The following ITGA9 variants were observed in gnomAD, a reference collection of about 807,000 sequenced individuals.
ITGA9 encodes integrin alpha-9.
A neutral mutation model predicts 127.8 loss-of-function variants in ITGA9; 56 were observed. The observed-to-expected ratio is 0.44, with a 90% CI of 0.35 to 0.55. The LOEUF is 0.55. Among genes scored for constraint, ITGA9 ranks in the 20% least tolerant of loss-of-function variants. ITGA9 has a pLI of 0.00. For missense variants in ITGA9, 1,196 were observed against 1,347.1 expected, an observed-to-expected ratio of 0.89 and a Z score of 1.76; for synonymous variants, 508 against 514.5, an observed-to-expected ratio of 0.99 and a Z score of 0.17.
chr3:37,650,998 T>G (rs964305972), intron 16 of ITGA9, among the ~76,000 whole-genome samples: 3 of 152,196 alleles, frequency 2.0e-5, no homozygotes, highest in African/African-American at 7.2e-5. Context: ...ACAATTAAAA[T>G]AGGATTACAC....
At chr3:37,680,305 T>C (rs906249888) in intron 17 of ITGA9, among the ~76,000 whole-genome samples, 11 of 152,226 alleles carry the variant, frequency 7.2e-5, no homozygotes, top group African/African-American at 2.2e-4. Flanking sequence ...AGCAGAGATG[T>C]GCTGTTTTAG....
chr3:37,664,120 G>A (rs75204932), intron 17 of ITGA9, among the ~76,000 whole-genome samples: 11,344 of 152,168 alleles, frequency 0.075, 477 homozygotes, highest in Middle Eastern at 0.14. Flanking sequence ...ATTCTACATC[G>A]CGCTCTCCTC....
intron 26 of ITGA9, chr3:37,790,030 G>A (rs369919556): frequency 2.6e-5 from 15 of 573,278 alleles, no homozygotes; most frequent in Admixed American, 8.5e-5. Context: ...GTATTCTTGC[G>A]CTATTTTCTC....
intron 1 of ITGA9, 151 bp from the exon 2 acceptor site, chr3:37,470,856 C>T (rs1016194989): frequency 2.3e-5 from 18 of 771,832 alleles, no homozygotes; most frequent in Middle Eastern, 3.5e-4. Context: ...ACTTTAGGAC[C>T]TCTCCCCCAA....
intron 5 of ITGA9, among the ~76,000 whole-genome samples, chr3:37,498,803 C>T (rs1214685739): frequency 1.3e-5 from 2 of 152,194 alleles, no homozygotes; most frequent in African/African-American, 4.8e-5. Context: ...TTTTGGCCTC[C>T]TTAAACAGGA....
chr3:37,462,975 G>A (rs548761978), intron 1 of ITGA9, among the ~76,000 whole-genome samples: 196 of 152,274 alleles, frequency 1.3e-3, no homozygotes, highest in Admixed American at 2.5e-3. Flanking sequence ...GTGTGACTTC[G>A]GATACACTCT....
At chr3:37,581,826 G>A (rs975098057) in intron 15 of ITGA9, among the ~76,000 whole-genome samples, 3 of 152,306 alleles carry the variant, frequency 2.0e-5, no homozygotes, top group South Asian at 2.1e-4. Context: ...GCTGGGTGCT[G>A]TAGTGGCATG....
At chr3:37,558,470 C>T (rs1699452541) in intron 15 of ITGA9, among the ~76,000 whole-genome samples, 1 of 152,198 alleles carries the variant, frequency 6.6e-6, no homozygotes, top group African/African-American at 2.4e-5. Flanking sequence ...CCTTGCTTCT[C>T]TATTTTCAAT....
At chr3:37,659,381 T>G (rs1449250160) in intron 17 of ITGA9, among the ~76,000 whole-genome samples, 1 of 152,052 alleles carries the variant, frequency 6.6e-6, no homozygotes, top group Admixed American at 6.6e-5. Context: ...TCATTTCTTT[T>G]CATTCTTTTT....
At chr3:37,765,879 C>T (rs1464669433) in intron 23 of ITGA9, among the ~76,000 whole-genome samples, 1 of 152,248 alleles carries the variant, frequency 6.6e-6, no homozygotes, top group East Asian at 1.9e-4. Context: ...GTCTTGTGCT[C>T]ACAGCTGCTG....
chr3:37,784,980 A>G lies in ITGA9; in HGVS notation c.2791A>G (p.Ser931Gly), dbSNP rs768693155. The change falls in exon 26 of 28, where the codon AGT (serine) becomes GGT (glycine). Residue 931 changes from serine (S) to glycine (G), a missense_variant. Coordinates refer to ENST00000264741, the MANE Select transcript of ITGA9 (RefSeq NM_002207.3). ...LLNTEILKKD[S>G]SSVIQFMSRA... is the part of the protein sequence containing the mutation. ...AGTTGTGTTGTTTCTTCCACAGGACAGTTCGTCTGTCATCCAGTTCATGTC... is the reference window on the plus strand; with the variant it reads ...AGTTGTGTTGTTTCTTCCACAGGACGGTTCGTCTGTCATCCAGTTCATGTC... The G allele has an allele frequency of 4.3e-6, 7 of 1,613,242 alleles. No homozygotes were observed. Among genetic ancestry groups the G allele is most frequent in the Non-Finnish European group, 3.4e-6 (4 of 1,179,258 alleles).
At chr3:37,542,330 T>G in intron 14 of ITGA9, 95 bp from the exon 15 acceptor site, 2,305 of 1,273,920 alleles carry the variant, frequency 1.8e-3, no homozygotes, top group Non-Finnish European at 2.4e-3. Flanking sequence ...AGGTATCATA[T>G]GAGATGTGCA....
At chr3:37,776,376 C>T (rs906982884) in intron 23 of ITGA9, among the ~76,000 whole-genome samples, 3 of 152,074 alleles carry the variant, frequency 2.0e-5, no homozygotes, top group Admixed American at 2.0e-4. Context: ...GTTTTTGTTC[C>T]CTACCATGAA....
intron 4 of ITGA9, among the ~76,000 whole-genome samples, chr3:37,491,743 T>G (rs1047071699): frequency 1.1e-4 from 16 of 152,222 alleles, no homozygotes; most frequent in African/African-American, 3.6e-4. Flanking sequence ...AATCAAGTTG[T>G]ATTTTTAAGT....
chr3:37,804,091 A>G, intron 27 of ITGA9, 149 bp downstream of exon 27: 1 of 1,226,122 alleles, frequency 8.2e-7, no homozygotes, highest in Non-Finnish European at 1.2e-6. Context: ...CAGGGAGTGG[A>G]ATCTTGGCTC....
intron 1 of ITGA9, among the ~76,000 whole-genome samples, chr3:37,464,745 C>T (rs1475649125): frequency 6.6e-6 from 1 of 152,242 alleles, no homozygotes; most frequent in African/African-American, 2.4e-5. Context: ...GTATCCACTG[C>T]TTAAATACCA....
intron 18 of ITGA9, among the ~76,000 whole-genome samples, chr3:37,710,738 T>C (rs1450712144): frequency 6.6e-6 from 1 of 152,170 alleles, no homozygotes; most frequent in African/African-American, 2.4e-5. Context: ...TTAAGATGCA[T>C]GGTGACCCCA....
At chr3:37,751,443 C>G (rs1223711157) in intron 23 of ITGA9, among the ~76,000 whole-genome samples, 3 of 152,204 alleles carry the variant, frequency 2.0e-5, no homozygotes, top group Non-Finnish European at 4.4e-5. Context: ...TAGGAGTGTT[C>G]TCTTCCTAGA....
intron 18 of ITGA9, among the ~76,000 whole-genome samples, chr3:37,686,153 G>A (rs992713823): frequency 3.1e-5 from 4 of 129,156 alleles, no homozygotes; most frequent in African/African-American, 1.0e-4. Flanking sequence ...CTATACACCA[G>A]GGACTTTTTG....
Sources: gnomAD v4.1 joint callset for allele counts (sites outside exome capture counted in the v4.1 genomes callset) on GRCh38, gnomAD v4.1.1 for gene constraint, MANE v1.5 for transcripts, NCBI Gene and HGNC (gene_info 2026-07-23, HGNC 2026-07-21) for gene names.